EXOC4: variants seen among roughly 807,000 people sequenced by gnomAD.
The protein encoded by EXOC4 is exocyst complex component 4.
Under a neutral mutation model 107.2 loss-of-function variants are expected in EXOC4, and 71 were observed. That is an observed-to-expected ratio of 0.66 (90% CI 0.55 to 0.81). EXOC4 has a LOEUF of 0.81. Among genes scored for constraint, EXOC4 ranks in the 30% least tolerant of loss-of-function variants. EXOC4 has a pLI of 0.00. For synonymous variants in EXOC4, 456 were observed against 441.2 expected, an observed-to-expected ratio of 1.03 and a Z score of -0.42; for missense variants, 1,108 against 1,189.6, an observed-to-expected ratio of 0.93 and a Z score of 1.01.
intron 9 of EXOC4, among the ~76,000 whole-genome samples, chr7:133,610,188 C>G (rs1802045103): frequency 6.6e-6 from 1 of 152,124 alleles, no homozygotes; most frequent in Non-Finnish European, 1.5e-5. Flanking sequence ...CTGCAGAAGC[C>G]TTGGTAATGG....
At chr7:133,323,625 G>A (rs896140180) in intron 5 of EXOC4, among the ~76,000 whole-genome samples, 1 of 152,168 alleles carries the variant, frequency 6.6e-6, no homozygotes, top group Non-Finnish European at 1.5e-5. Flanking sequence ...ATATTTTATT[G>A]AGGATTTTTG....
At chr7:133,755,489 G>A (rs1459028912) in intron 10 of EXOC4, among the ~76,000 whole-genome samples, 3 of 148,862 alleles carry the variant, frequency 2.0e-5, no homozygotes, top group African/African-American at 7.5e-5. Flanking sequence ...GACTACAGGT[G>A]CACGCCAGCA....
intron 9 of EXOC4, among the ~76,000 whole-genome samples, chr7:133,591,680 G>A (rs895213489): frequency 1.3e-5 from 2 of 152,084 alleles, no homozygotes; most frequent in African/African-American, 2.4e-5. Context: ...CTAAGTGGCC[G>A]ATATGAATTT....
chr7:133,987,602 T>A (rs2116213469), intron 14 of EXOC4, among the ~76,000 whole-genome samples: 1 of 152,304 alleles, frequency 6.6e-6, no homozygotes, highest in South Asian at 2.1e-4. Flanking sequence ...TTGGAAATCA[T>A]TATTATACCA....
chr7:134,057,536 C>G (rs902067426), intron 17 of EXOC4, among the ~76,000 whole-genome samples: 10 of 152,194 alleles, frequency 6.6e-5, no homozygotes, highest in Non-Finnish European at 1.2e-4. Context: ...AAACTTTAAG[C>G]TCTTCGAAGG....
At chr7:133,467,455 A>G (rs1287659227) in intron 7 of EXOC4, among the ~76,000 whole-genome samples, 2 of 151,916 alleles carry the variant, frequency 1.3e-5, no homozygotes, top group Non-Finnish European at 2.9e-5. Flanking sequence ...CTTCCAGTCA[A>G]TAATTTTGTA....
At chr7:133,304,144 G>A (rs879833647) in intron 3 of EXOC4, among the ~76,000 whole-genome samples, 7 of 152,170 alleles carry the variant, frequency 4.6e-5, no homozygotes, top group Non-Finnish European at 1.0e-4. Flanking sequence ...ATTACCTTAA[G>A]GGATAAGGCT....
intron 6 of EXOC4, among the ~76,000 whole-genome samples, chr7:133,371,719 C>T (rs899698820): frequency 2.0e-5 from 3 of 152,218 alleles, no homozygotes; most frequent in East Asian, 3.9e-4. Flanking sequence ...TTTGTGTGCA[C>T]GTATGTTTTC....
At chr7:133,716,804 G>A (rs1401380080) in intron 10 of EXOC4, among the ~76,000 whole-genome samples, 1 of 152,026 alleles carries the variant, frequency 6.6e-6, no homozygotes, top group Non-Finnish European at 1.5e-5. Flanking sequence ...GCAAGGTGTG[G>A]TGGTGCGCAC....
intron 7 of EXOC4, among the ~76,000 whole-genome samples, chr7:133,375,400 C>T (rs1397319671): frequency 2.0e-5 from 3 of 151,956 alleles, no homozygotes; most frequent in East Asian, 1.9e-4. Flanking sequence ...TGCTTGAACT[C>T]GGGAGGCAGA....
rs1585317674 is a variant in EXOC4 at position 134,007,957 on chromosome 7, C to T, written c.2687+122C>T. 3.3e-6 allele frequency: 3 copies of T among 900,594 alleles called. No individual in the cohort carries two copies. The East Asian group carries it at 8.1e-5, about 24-fold the overall frequency. 55.8% of individuals were successfully genotyped at this position (900,594 alleles called of 1,614,324 possible). The stretch of plus-strand genomic sequence containing the variant: ...CTTAGTTTAAAAAAAGAAAGAAGCA[C>T]AGATAGATGTTTTTAGGTCCTATAG... On this transcript the variant is annotated intron_variant, in intron 17 of 17. Transcript: ENST00000253861.
intron 14 of EXOC4, among the ~76,000 whole-genome samples, chr7:133,982,048 A>G (rs1260923041): frequency 6.6e-6 from 1 of 152,174 alleles, no homozygotes; most frequent in East Asian, 1.9e-4. Flanking sequence ...GTGGGAGCTA[A>G]ATGATGAGAC....
At chr7:133,903,647 G>C (rs114180190) in intron 12 of EXOC4, among the ~76,000 whole-genome samples, 1,662 of 152,260 alleles carry the variant, frequency 0.011, 32 homozygotes, top group African/African-American at 0.038. Flanking sequence ...TTAGCCATGT[G>C]GGGGAGGGAG....
chr7:133,837,390 A>G (rs907967470), intron 11 of EXOC4, among the ~76,000 whole-genome samples: 4 of 152,132 alleles, frequency 2.6e-5, no homozygotes, highest in Non-Finnish European at 5.9e-5. Flanking sequence ...CAGTGCTCCA[A>G]AAAAGACCAT....
chr7:133,342,316 A>T (rs1230912087), intron 5 of EXOC4, among the ~76,000 whole-genome samples: 1 of 152,184 alleles, frequency 6.6e-6, no homozygotes, highest in Admixed American at 6.5e-5. Flanking sequence ...GCTGGATACG[A>T]AATTGTTGGC....
rs559007740 is a variant in EXOC4, at chr7:134,064,595, T to C, written c.*67T>C. 89 of 1,079,628 alleles carry C rather than the reference T, an allele frequency of 8.2e-5. No individual in the cohort carries two copies. The highest frequency in any genetic ancestry group is 2.1e-4 in the Middle Eastern group (1 of 4,786). 66.9% of individuals were successfully genotyped at this position (1,079,628 alleles called of 1,614,324 possible). A position where few individuals can be genotyped will look rare whatever the true frequency, so the allele number is the denominator to read the frequency against. The stretch of plus-strand genomic sequence containing the variant: ...ACTCACTTTTTTCCTTGGTATGTTA[T>C]TGAGTATATTCTGAGCTTAGTTTTC... On this transcript the variant is annotated 3_prime_UTR_variant, in exon 18 of 18. Coordinates refer to ENST00000253861, the MANE Select transcript of EXOC4 (RefSeq NM_021807.4).
chr7:133,311,046 A>G (rs1299129021), intron 4 of EXOC4, among the ~76,000 whole-genome samples: 2 of 152,252 alleles, frequency 1.3e-5, no homozygotes, highest in Non-Finnish European at 2.9e-5. Flanking sequence ...AGAAAGGTAC[A>G]TGCTCACATA....
chr7:133,651,449 T>G (rs188114212), intron 10 of EXOC4, among the ~76,000 whole-genome samples: 1 of 152,208 alleles, frequency 6.6e-6, no homozygotes, highest in Non-Finnish European at 1.5e-5. Context: ...AACATCATGA[T>G]TCATTAGTAT....
chr7:133,592,795 G>T (rs979583266), intron 9 of EXOC4, among the ~76,000 whole-genome samples: 1 of 152,158 alleles, frequency 6.6e-6, no homozygotes, highest in Non-Finnish European at 1.5e-5. Context: ...TAGAGACGGG[G>T]TTTCACCATG....
Sources: allele counts gnomAD v4.1 joint callset (sites outside exome capture counted in the v4.1 genomes callset), GRCh38; gene constraint gnomAD v4.1.1; transcripts MANE v1.5; gene names NCBI Gene and HGNC (gene_info 2026-07-23, HGNC 2026-07-21).